Variants in FMNL2 observed in about 807,000 individuals in gnomAD.
FMNL2 encodes the protein formin-like protein 2.
A neutral mutation model predicts 130.2 loss-of-function variants in FMNL2; 51 were observed. The ratio of observed to expected loss-of-function variants is 0.39; its 90% CI spans 0.31 to 0.49. The LOEUF (loss-of-function observed/expected upper bound fraction) is 0.49. Ranked by LOEUF, FMNL2 falls within the 20% of genes least tolerant of loss-of-function variation. FMNL2 has a pLI of 0.85. For missense variants in FMNL2, 977 were observed against 1,316.2 expected (o/e 0.74, Z 3.99); for synonymous variants, 465 against 467.1 (o/e 1.00, Z 0.06).
At chr2:152,490,569 A>G (rs1261493497) in intron 1 of FMNL2, among the ~76,000 whole-genome samples, 259 of 108,570 alleles carry the variant, frequency 2.4e-3, no homozygotes, top group Non-Finnish European at 3.8e-3. Context: ...TTGCTATCCA[A>G]TGTGTGTGTG....
At chr2:152,480,011 G>C (rs891914948) in intron 1 of FMNL2, among the ~76,000 whole-genome samples, 1 of 152,196 alleles carries the variant, frequency 6.6e-6, no homozygotes, top group Non-Finnish European at 1.5e-5. Flanking sequence ...AAATGAATGT[G>C]ATGCAAGCAT....
intron 1 of FMNL2, among the ~76,000 whole-genome samples, chr2:152,393,056 C>A (rs746445310): frequency 1.9e-4 from 29 of 152,132 alleles, no homozygotes; most frequent in Non-Finnish European, 3.4e-4. Context: ...TCACTTTCTA[C>A]CTGAATGCCC....
At chr2:152,617,222 GGGCAC>G in intron 13 of FMNL2, 30 bp downstream of exon 13, 5 of 1,594,200 alleles carry the variant, frequency 3.1e-6, no homozygotes, top group Non-Finnish European at 4.3e-6. Flanking sequence ...CTGCCCAGAT[GGGCAC>G]GGTAGGGAAT....
intron 15 of FMNL2, among the ~76,000 whole-genome samples, chr2:152,620,176 A>T (rs2105899075): frequency 6.6e-6 from 1 of 152,278 alleles, no homozygotes; most frequent in African/African-American, 2.4e-5. Context: ...TTTTATGTGT[A>T]ATTGCCTGAC....
Position 152,637,670 on chromosome 2 carries a change from A to G in FMNL2, c.2942A>G (p.Tyr981Cys), listed in dbSNP as rs1437236999. The change falls in exon 23 of 26, where the codon TAT becomes TGT. Residue 981 changes from tyrosine (Y) to cysteine (C), a missense_variant. Tyr to Cys is a radical substitution (Grantham distance 194). Transcript: ENST00000288670. The stretch of plus-strand genomic sequence containing the variant: ...GTCTTTGTCCGGTTTGTGAAAGCAT[A>G]TAAGGTATATGTTAAGGCCCTCCTT... The part of the protein sequence containing the change: ...FPVFVRFVKA[Y>C]KQAEEENELR... 2 of 1,613,700 alleles carry G rather than the reference A, an allele frequency of 1.2e-6. No homozygotes were observed. The highest frequency in any genetic ancestry group is 1.7e-6 in the Non-Finnish European group (2 of 1,179,750).
At chr2:152,588,591 C>T (rs1241927016) in intron 9 of FMNL2, among the ~76,000 whole-genome samples, 1 of 152,114 alleles carries the variant, frequency 6.6e-6, no homozygotes, top group African/African-American at 2.4e-5. Flanking sequence ...GTAGGAGGAA[C>T]ACATCATTCA....
intron 1 of FMNL2, among the ~76,000 whole-genome samples, chr2:152,363,439 G>A (rs956865058): frequency 6.6e-6 from 1 of 152,162 alleles, no homozygotes; most frequent in Non-Finnish European, 1.5e-5. Flanking sequence ...CTTTTACTAA[G>A]ATACTTGCTA....
At chr2:152,496,401 C>G (rs1691521460) in intron 1 of FMNL2, among the ~76,000 whole-genome samples, 1 of 152,150 alleles carries the variant, frequency 6.6e-6, no homozygotes, top group Non-Finnish European at 1.5e-5. Context: ...ATCTGCATGT[C>G]TCGTTACTTT....
intron 1 of FMNL2, among the ~76,000 whole-genome samples, chr2:152,443,376 G>A (rs1028653263): frequency 2.0e-5 from 3 of 151,784 alleles, no homozygotes; most frequent in African/African-American, 7.3e-5. Context: ...ACCCATTGGA[G>A]TAGATGGGAT....
chr2:152,584,917 TGGCAA>T (rs1696984393), intron 9 of FMNL2, among the ~76,000 whole-genome samples: 1 of 152,148 alleles, frequency 6.6e-6, no homozygotes, highest in South Asian at 2.1e-4. Flanking sequence ...TATGTGATGG[TGGCAA>T]GAATGTTAAC....
chr2:152,457,677 A>G (rs1689031886), intron 1 of FMNL2, among the ~76,000 whole-genome samples: 1 of 152,236 alleles, frequency 6.6e-6, no homozygotes, highest in African/African-American at 2.4e-5. Flanking sequence ...AAATTACCAC[A>G]CATTTAATGG....
chr2:152,639,399 AAG>A (rs1303402051), intron 23 of FMNL2, among the ~76,000 whole-genome samples: 1 of 152,216 alleles, frequency 6.6e-6, no homozygotes, highest in African/African-American at 2.4e-5. Flanking sequence ...CTTCAAAAGA[AAG>A]AGTGCCCAAG....
intron 1 of FMNL2, among the ~76,000 whole-genome samples, chr2:152,435,360 A>T (rs574603770): frequency 1.3e-5 from 2 of 152,342 alleles, no homozygotes; most frequent in African/African-American, 4.8e-5. Flanking sequence ...TGTAAAAATC[A>T]TTCAGAAAAT....
At chr2:152,623,014 C>T (rs554804479) in intron 15 of FMNL2, among the ~76,000 whole-genome samples, 6 of 152,174 alleles carry the variant, frequency 3.9e-5, no homozygotes, top group Admixed American at 2.6e-4. Flanking sequence ...TATGTGCTTT[C>T]CTCCTCTTCC....
At chr2:152,428,585 C>A (rs907487027) in intron 1 of FMNL2, among the ~76,000 whole-genome samples, 1 of 152,154 alleles carries the variant, frequency 6.6e-6, no homozygotes, top group African/African-American at 2.4e-5. Flanking sequence ...AGATAGCCAA[C>A]TTTTTAAGGA....
At chr2:152,557,178 T>TA (rs1695263455) in intron 4 of FMNL2, among the ~76,000 whole-genome samples, 1 of 152,144 alleles carries the variant, frequency 6.6e-6, no homozygotes, top group Non-Finnish European at 1.5e-5. Context: ...TTAAAATAAA[T>TA]AAAAAATAAG....
chr2:152,583,598 C>T (rs553885332), intron 9 of FMNL2, among the ~76,000 whole-genome samples: 1 of 152,160 alleles, frequency 6.6e-6, no homozygotes, highest in African/African-American at 2.4e-5. Context: ...CCATTTTTAC[C>T]TCAAATAACG....
rs745401551 is a variant in FMNL2 at position 152,335,682 on chromosome 2, G to A, written c.79G>A (p.Glu27Lys). Reference sequence around the variant, plus strand: ...CGTGCCTTTGAAGCTGCCGATGCCAGAGCCAGGTGAACTGGAGGAGCGATT... The same window carrying A: ...CGTGCCTTTGAAGCTGCCGATGCCAAAGCCAGGTGAACTGGAGGAGCGATT... ...HNVPLKLPMP[E>K]PGELEERFAI... The change falls in exon 1 of 26, where the codon GAG becomes AAG. Residue 27 changes from glutamate (E) to lysine (K), a missense_variant. Glu to Lys is a moderately conservative substitution (Grantham distance 56). This residue lies in a region of FMNL2 where 117 missense variants were observed against 134.9 expected (regional missense o/e 0.87). Transcript: ENST00000288670. 85 of 1,589,102 alleles carry A rather than the reference G, an allele frequency of 5.3e-5. No homozygotes were observed. Among genetic ancestry groups the A allele is most frequent in the Non-Finnish European group, 6.7e-5 (78 of 1,168,104 alleles).
intron 15 of FMNL2, among the ~76,000 whole-genome samples, chr2:152,624,465 C>A (rs1174353028): frequency 6.7e-6 from 1 of 149,324 alleles, no homozygotes; most frequent in Non-Finnish European, 1.5e-5. Flanking sequence ...TCTTTTCCTT[C>A]CCCCCCGCCC....
Sources: gnomAD v4.1 joint callset for allele counts (sites outside exome capture counted in the v4.1 genomes callset) on GRCh38, gnomAD v4.1.1 for gene constraint, gnomAD v4.1.1 regional missense constraint, MANE v1.5 for transcripts, NCBI Gene and HGNC (gene_info 2026-07-23, HGNC 2026-07-21) for gene names.